The following TSPEAR variants were observed in gnomAD, a reference collection of about 807,000 sequenced individuals.
The protein encoded by TSPEAR is thrombospondin type laminin G domain and EAR repeats, also known as thrombospondin-type laminin G domain and EAR repeat-containing protein.
Under a neutral mutation model 71.6 loss-of-function variants are expected in TSPEAR, and 69 were observed. The ratio of observed to expected loss-of-function variants is 0.96; its 90% CI spans 0.79 to 1.18. The LOEUF (loss-of-function observed/expected upper bound fraction) is 1.18. TSPEAR is among the 50% of genes most tolerant of loss of function. The pLI, the probability that TSPEAR is intolerant of heterozygous loss-of-function variation, is 0.00. For missense variants in TSPEAR, 971 were observed against 894.9 expected (o/e 1.09, Z -1.09); for synonymous variants, 402 against 387.2 (o/e 1.04, Z -0.45).
chr21:44,702,203 G>A, intron 1 of TSPEAR: 2 of 1,564,606 alleles, frequency 1.3e-6, no homozygotes, highest in Middle Eastern at 2.3e-4. Flanking sequence ...AGCTCCAGAG[G>A]AACAAAGGGG....
In TSPEAR at chr21:44,612,324, T is replaced by A; in HGVS notation, c.83-44319A>T. 6.2e-7 allele frequency: 1 copy of A among 1,613,664 alleles called. No homozygotes were observed. ...GCCCCAGCCCCCTGCCTGGCCCTGG[T>A]CTGTGCCCCAGTGAGCTGTGAGCCC... On this transcript the variant is annotated intron_variant, in intron 1 of 11. Transcript: ENST00000323084. The surrounding 1 kb of genome is among the most constrained non-coding windows in gnomAD (Gnocchi z 4.1).
chr21:44,644,455 G>A (rs1268863598), intron 1 of TSPEAR, among the ~76,000 whole-genome samples: 2 of 152,160 alleles, frequency 1.3e-5, no homozygotes, highest in African/African-American at 2.4e-5. Flanking sequence ...GATATTTAAA[G>A]AGTTATAAAA....
At chr21:44,647,082 C>A in intron 1 of TSPEAR, 1 of 1,613,812 alleles carries the variant, frequency 6.2e-7, no homozygotes, top group Non-Finnish European at 8.5e-7. Context: ...TGCCTGTCTG[C>A]TCTAGGGCTT....
intron 1 of TSPEAR, among the ~76,000 whole-genome samples, chr21:44,610,301 G>A (rs1392269285): frequency 1.3e-5 from 2 of 152,212 alleles, no homozygotes; most frequent in African/African-American, 4.8e-5. Flanking sequence ...TCAGAGGCCT[G>A]GAGGCCTGGG....
At chr21:44,667,109 C>T (rs1007282569) in intron 1 of TSPEAR, among the ~76,000 whole-genome samples, 8 of 152,202 alleles carry the variant, frequency 5.3e-5, no homozygotes, top group Non-Finnish European at 1.0e-4. Context: ...GCACCTTCTT[C>T]GAACTCTTGG....
chr21:44,592,902 C>T (rs1238639902), intron 1 of TSPEAR, among the ~76,000 whole-genome samples: 6 of 152,250 alleles, frequency 3.9e-5, no homozygotes, highest in African/African-American at 1.2e-4. Flanking sequence ...TCACCGGACA[C>T]AGGACTGTGG....
chr21:44,690,495 C>T (rs2146311715), intron 1 of TSPEAR: 1 of 953,716 alleles, frequency 1.0e-6, no homozygotes, highest in Non-Finnish European at 1.2e-6. Context: ...CAATAAAAAT[C>T]AGATTAGCAT....
intron 1 of TSPEAR, among the ~76,000 whole-genome samples, chr21:44,707,694 C>G (rs992615628): frequency 3.9e-5 from 6 of 152,080 alleles, no homozygotes; most frequent in African/African-American, 1.2e-4. Flanking sequence ...CCGCCTGGCT[C>G]GGAGCAGGGA....
intron 1 of TSPEAR, among the ~76,000 whole-genome samples, chr21:44,645,315 T>C (rs1006076242): frequency 2.0e-5 from 3 of 151,236 alleles, no homozygotes; most frequent in Non-Finnish European, 2.9e-5. Context: ...TCTCTGAGCA[T>C]TCTCCTTACA....
At chr21:44,701,382 G>A (rs1415738177) in intron 1 of TSPEAR, among the ~76,000 whole-genome samples, 1 of 152,220 alleles carries the variant, frequency 6.6e-6, no homozygotes, top group Non-Finnish European at 1.5e-5. Context: ...CCAGTTTTGT[G>A]GTAGACAACT....
intron 1 of TSPEAR, among the ~76,000 whole-genome samples, chr21:44,665,293 C>T (rs1052240763): frequency 2.6e-5 from 4 of 152,190 alleles, no homozygotes; most frequent in African/African-American, 7.2e-5. Context: ...GTAGTGAGAA[C>T]GTTCTTCAGG....
chr21:44,698,824 C>G (rs1555951137), intron 1 of TSPEAR, among the ~76,000 whole-genome samples: 3 of 152,192 alleles, frequency 2.0e-5, no homozygotes, highest in Admixed American at 6.5e-5. Flanking sequence ...GCCTACTGCC[C>G]AGATCATGAA....
intron 1 of TSPEAR, among the ~76,000 whole-genome samples, chr21:44,622,811 C>T (rs915244692): frequency 6.6e-6 from 1 of 152,290 alleles, no homozygotes; most frequent in African/African-American, 2.4e-5. Context: ...TATGGCCCTG[C>T]CAAATCTCAT....
intron 1 of TSPEAR, among the ~76,000 whole-genome samples, chr21:44,568,948 A>G (rs1039194324): frequency 6.6e-6 from 1 of 152,108 alleles, no homozygotes; most frequent in African/African-American, 2.4e-5. Context: ...GGCATTGTGT[A>G]GGGAATGTCA....
At chr21:44,537,574 A>T (rs1002732041) in intron 2 of TSPEAR, among the ~76,000 whole-genome samples, 2 of 152,266 alleles carry the variant, frequency 1.3e-5, no homozygotes, top group Admixed American at 1.3e-4. Flanking sequence ...AACTAACTTT[A>T]AAAAAGGACA....
At chr21:44,557,885 T>C in intron 2 of TSPEAR, 1 of 798,054 alleles carries the variant, frequency 1.3e-6, no homozygotes, top group Non-Finnish European at 2.0e-6. Flanking sequence ...GATGAGGGTG[T>C]GGGAGAGATG....
intron 1 of TSPEAR, among the ~76,000 whole-genome samples, chr21:44,620,182 G>T (rs1183149007): frequency 2.0e-5 from 3 of 152,228 alleles, no homozygotes; most frequent in African/African-American, 7.2e-5. Flanking sequence ...GGGCACAGGG[G>T]TGGGGAGCAC....
At chr21:44,512,173 C>T (rs1294639522) in intron 9 of TSPEAR, among the ~76,000 whole-genome samples, 1 of 152,190 alleles carries the variant, frequency 6.6e-6, no homozygotes, top group African/African-American at 2.4e-5. Flanking sequence ...TGGGGCGGGC[C>T]TACAGGGCCT....
At chr21:44,549,883 G>T (rs1241142313) in intron 2 of TSPEAR, among the ~76,000 whole-genome samples, 4 of 152,230 alleles carry the variant, frequency 2.6e-5, no homozygotes, top group Admixed American at 2.0e-4. Flanking sequence ...CTGTAAGCCT[G>T]GTGCAGGAAC....
Sources: gnomAD v4.1 joint callset for allele counts (sites outside exome capture counted in the v4.1 genomes callset) on GRCh38, gnomAD v4.1.1 for gene constraint, Gnocchi (gnomAD v3.1) non-coding constraint, MANE v1.5 for transcripts, NCBI Gene and HGNC (gene_info 2026-07-23, HGNC 2026-07-21) for gene names.